The following CNTN5 variants were observed in gnomAD, a reference collection of about 807,000 sequenced individuals.
The protein encoded by CNTN5 is contactin 5, also known as contactin-5.
Under a neutral mutation model 129.1 loss-of-function variants are expected in CNTN5, and 77 were observed. That is an observed-to-expected ratio of 0.60 (90% confidence interval 0.50 to 0.72). The LOEUF (loss-of-function observed/expected upper bound fraction) is 0.72, where lower values mean the gene tolerates loss of function less well. CNTN5 is among the 30% of genes least tolerant of loss of function. CNTN5 has a pLI of 0.00. For synonymous variants in CNTN5, 509 were observed against 465.6 expected (o/e 1.09, Z -1.20); for missense variants, 1,478 against 1,328.8 (o/e 1.11, Z -1.75).
rs1938416901 is a variant in CNTN5 at position 99,353,166 on chromosome 11, C to A, written c.-71+27682C>A. 1.3e-5 allele frequency among the ~76,000 whole-genome samples: 2 copies of A among 152,104 alleles called. 1 individual carries two copies. Among genetic ancestry groups the A allele is most frequent in the South Asian group, 4.2e-4 (2 of 4,818 alleles). On this transcript the variant is annotated intron_variant, in intron 2 of 24. Transcript: ENST00000524871. ...GCCCAATCTAGCTATTTCTCTCCAG[C>A]AGTACTATTGCTATTTTCAAGTTAC...
At chr11:100,159,183 A>G (rs535808558) in intron 13 of CNTN5, among the ~76,000 whole-genome samples, 1 of 151,858 alleles carries the variant, frequency 6.6e-6, no homozygotes, top group South Asian at 2.1e-4. Flanking sequence ...TCAGACTGGT[A>G]TTGCATAGAT....
At chr11:99,393,216 A>T (rs1941353437) in intron 2 of CNTN5, among the ~76,000 whole-genome samples, 1 of 151,870 alleles carries the variant, frequency 6.6e-6, no homozygotes, top group Non-Finnish European at 1.5e-5. Context: ...TAGAAACGGC[A>T]CAAACTCAGG....
rs1947436396 is a variant in CNTN5, at chr11:99,525,132, CCA to C, written c.-70-31012_-70-31011del. ...TATTGTCATCATTTACCATGAAAAG[CCA>C]ATTTAAAGGGAGGCTTTTTTTTTAC... On this transcript the variant is annotated intron_variant, in intron 2 of 24. Transcript: ENST00000524871. Among the ~76,000 whole-genome samples, 5 of 146,384 alleles carry C rather than the reference CCA, an allele frequency of 3.4e-5. No individual in the cohort carries two copies. The South Asian group carries it at 1.1e-3, about 33-fold the overall frequency.
intron 6 of CNTN5, among the ~76,000 whole-genome samples, chr11:99,851,580 T>A (rs987697363): frequency 6.6e-6 from 1 of 152,192 alleles, no homozygotes; most frequent in Non-Finnish European, 1.5e-5. Flanking sequence ...GTCAAACATA[T>A]AATGAATCAG....
chr11:99,158,545 T>C (rs919199133), intron 1 of CNTN5, among the ~76,000 whole-genome samples: 1 of 152,200 alleles, frequency 6.6e-6, no homozygotes, highest in Admixed American at 6.5e-5. Flanking sequence ...TTTAATTTTT[T>C]TGCATATAAC....
rs188083613 is a variant in CNTN5 at position 100,008,600 on chromosome 11, C to T, written c.980+6464C>T. On this transcript the variant is annotated intron_variant, in intron 9 of 24. Coordinates refer to ENST00000524871, the MANE Select transcript of CNTN5 (RefSeq NM_014361.4). ...TTGCATTATATCTTCAAATATTTTG[C>T]TGAATGTAATATTACACCTTGAGTC... Among the ~76,000 whole-genome samples, 21 of 152,124 alleles carry T rather than the reference C, an allele frequency of 1.4e-4. 1 individual carries two copies. The East Asian group carries it at 3.5e-3, about 25-fold the overall frequency.
At chr11:99,959,489 A>G (rs1349782) in intron 8 of CNTN5, among the ~76,000 whole-genome samples, 91,164 of 151,958 alleles carry the variant, frequency 0.6, 27,597 homozygotes, top group South Asian at 0.67. Flanking sequence ...GTTACAACCA[A>G]TTCCTCCATC....
intron 3 of CNTN5, among the ~76,000 whole-genome samples, chr11:99,808,551 A>G (rs944648349): frequency 6.6e-6 from 1 of 152,156 alleles, no homozygotes; most frequent in Non-Finnish European, 1.5e-5. Flanking sequence ...TGTAATTCCT[A>G]GGGTCAAAGC....
chr11:99,443,661 T>C (rs1251049556), intron 2 of CNTN5, among the ~76,000 whole-genome samples: 1 of 152,212 alleles, frequency 6.6e-6, no homozygotes, highest in African/African-American at 2.4e-5. Context: ...TATAGAGCTA[T>C]GCTTTCCTGA....
chr11:99,363,273 A>G (rs999886279), intron 2 of CNTN5, among the ~76,000 whole-genome samples: 2 of 152,012 alleles, frequency 1.3e-5, no homozygotes. Flanking sequence ...TTTTTGATTG[A>G]CTAGCTCTTT....
rs138161141 is a variant in CNTN5 at position 99,333,174 on chromosome 11, T to C, written c.-71+7690T>C. ...AAAAAGTTTTATGCTTTTATTTTAA[T>C]GCTACATTTGGCAAGCTGGTATGTT... is the stretch of plus-strand genomic sequence containing the variant. On this transcript the variant is annotated intron_variant, in intron 2 of 24. Transcript: ENST00000524871. Among the ~76,000 whole-genome samples, 468 of 152,194 alleles carry C rather than the reference T, an allele frequency of 3.1e-3. 1 individual carries two copies. Among genetic ancestry groups the C allele is most frequent in the African/African-American group, 0.011 (460 of 41,574 alleles).
chr11:100,293,135 A>T (rs1951028915), intron 18 of CNTN5, among the ~76,000 whole-genome samples: 1 of 151,772 alleles, frequency 6.6e-6, no homozygotes, highest in Admixed American at 6.6e-5. Flanking sequence ...TTAGCAACAA[A>T]TCTTATACAA....
At position 99,548,825 on chromosome 11, in the gene CNTN5, G is replaced by A. The variant is rs79078262; in HGVS notation, c.-70-7320G>A. On this transcript the variant is annotated intron_variant, in intron 2 of 24. Transcript: ENST00000524871. ...TCCATTTTCAATATGATGTGCACAG[G>A]TATTTCTTCTTTTTGGATTTCTCTG... Among the ~76,000 whole-genome samples the A allele has an allele frequency of 2.4e-3, 369 of 152,096 alleles. 3 individuals carry two copies. Among genetic ancestry groups the A allele is most frequent in the African/African-American group, 8.4e-3 (349 of 41,514 alleles).
At chr11:100,093,506 G>T (rs1471375383) in intron 13 of CNTN5, among the ~76,000 whole-genome samples, 1 of 151,862 alleles carries the variant, frequency 6.6e-6, no homozygotes, top group African/African-American at 2.4e-5. Context: ...GCCTCAAGTG[G>T]TTCTCCCACT....
At position 100,357,909 on chromosome 11, in the gene CNTN5, A is replaced by C. The variant is rs2139055375; in HGVS notation, c.*1689A>C. On this transcript the variant is annotated 3_prime_UTR_variant, in exon 25 of 25. Transcript: ENST00000524871. ...AGACACCCTAAACAAACAAGAAATT[A>C]GTTAAAAGACTCACTCAATGATATT... 6.6e-6 allele frequency: 1 copy of C among 151,970 alleles called. No individual in the cohort carries two copies. Among genetic ancestry groups the C allele is most frequent in the East Asian group, 1.9e-4 (1 of 5,148 alleles). 9.4% of individuals were successfully genotyped at this position (151,970 alleles called of 1,614,324 possible).
chr11:99,290,238 A>G (rs925872988), intron 1 of CNTN5, among the ~76,000 whole-genome samples: 1 of 151,902 alleles, frequency 6.6e-6, no homozygotes. Flanking sequence ...GTTTAAAAGT[A>G]GAAGATATGG....
At chr11:100,289,864 T>C (rs1321498319) in intron 18 of CNTN5, among the ~76,000 whole-genome samples, 212 of 150,244 alleles carry the variant, frequency 1.4e-3, no homozygotes, top group African/African-American at 4.8e-3. Context: ...GAAAACCCCA[T>C]TGTCTCAGCC....
At chr11:99,077,602 G>A (rs1865629411) in intron 1 of CNTN5, among the ~76,000 whole-genome samples, 1 of 152,146 alleles carries the variant, frequency 6.6e-6, no homozygotes, top group South Asian at 2.1e-4. Context: ...ATCACTAAGT[G>A]GTATGGTTAG....
intron 3 of CNTN5, among the ~76,000 whole-genome samples, chr11:99,617,626 A>G (rs1159217148): frequency 6.6e-6 from 1 of 152,178 alleles, no homozygotes; most frequent in Non-Finnish European, 1.5e-5. Flanking sequence ...CTATAGTTCT[A>G]GAGGAGATTT....
Sources: allele counts gnomAD v4.1 joint callset (sites outside exome capture counted in the v4.1 genomes callset), GRCh38; gene constraint gnomAD v4.1.1; transcripts MANE v1.5; gene names NCBI Gene and HGNC (gene_info 2026-07-23, HGNC 2026-07-21).